The following ZNF324B variants were observed in gnomAD, a reference collection of about 807,000 sequenced individuals.
The protein encoded by ZNF324B is zinc finger protein 324B.
A neutral mutation model predicts 10.6 loss-of-function variants in ZNF324B; 7 were observed. The ratio of observed to expected loss-of-function variants is 0.66; its 90% confidence interval spans 0.38 to 1.24. The LOEUF (loss-of-function observed/expected upper bound fraction) is 1.24. Among genes scored for constraint, ZNF324B ranks in the 50% most tolerant of loss-of-function variants. The pLI is 0.02. For synonymous variants in ZNF324B, 316 were observed against 321.0 expected (o/e 0.98, Z 0.17); for missense variants, 640 against 764.7 (o/e 0.84, Z 1.92).
At chr19:58,445,341 G>C in the ZNF324B span, 1 of 499,472 alleles carries the variant, frequency 2.0e-6, no homozygotes, top group South Asian at 1.5e-5. Flanking sequence ...AAAAATTGCA[G>C]CTCCTGCCTT....
At chr19:58,432,271 G>C in the ZNF324B span, 2 of 516,192 alleles carry the variant, frequency 3.9e-6, no homozygotes, top group Non-Finnish European at 7.7e-6. Context: ...GAGAGGTGAA[G>C]TGAATGTACA....
intron 2 of ZNF324B, 71 bp from the exon 3 acceptor site, chr19:58,454,157 G>A: frequency 1.0e-6 from 1 of 999,584 alleles, no homozygotes; most frequent in East Asian, 2.4e-5. Context: ...ATGAAGCCCT[G>A]ACTCCTGCTC....
chr19:58,434,825 G>A, the ZNF324B span: 2 of 1,614,162 alleles, frequency 1.2e-6, no homozygotes, highest in Non-Finnish European at 1.7e-6. Context: ...AGCTGGAGGA[G>A]GTCACAGCTG....
At chr19:58,453,070 G>A (rs1036496606) in intron 1 of ZNF324B, 3 of 147,596 alleles carry the variant, frequency 2.0e-5, no homozygotes, top group Non-Finnish European at 4.4e-5. Flanking sequence ...GTGAGACTCC[G>A]TCTCCAAAAT....
the ZNF324B span, chr19:58,434,258 C>A: frequency 1.2e-6 from 2 of 1,614,040 alleles, no homozygotes. Flanking sequence ...TGTGTGTGAA[C>A]TTTCTGATGC....
chr19:58,447,019 A>G (rs2052831239), upstream of ZNF324B, among the ~76,000 whole-genome samples: 1 of 147,884 alleles, frequency 6.8e-6, no homozygotes, highest in African/African-American at 2.5e-5. Flanking sequence ...TCTGGTGCTC[A>G]GGCTGGAGTG....
chr19:58,453,077 A>T (rs1197634653), intron 1 of ZNF324B: 1 of 118,500 alleles, frequency 8.4e-6, no homozygotes, highest in Admixed American at 9.3e-5. Flanking sequence ...TCCGTCTCCA[A>T]AATAAAAATA....
chr19:58,451,421 G>C (rs1409966836), upstream of ZNF324B, among the ~76,000 whole-genome samples: 1 of 152,262 alleles, frequency 6.6e-6, no homozygotes, highest in Admixed American at 6.5e-5. Flanking sequence ...GGAGCCCTTG[G>C]AAACCCGCGG....
the ZNF324B span, chr19:58,436,884 CAG>C: frequency 7.6e-5 from 72 of 949,424 alleles, no homozygotes; most frequent in Admixed American, 1.0e-4. Context: ...CAGAGAGAGA[CAG>C]GGGAAGTACA....
chr19:58,434,428 C>T, the ZNF324B span: 1 of 1,614,242 alleles, frequency 6.2e-7, no homozygotes, highest in Non-Finnish European at 8.5e-7. Flanking sequence ...TGAGTGAATT[C>T]TCTGATGATG....
the ZNF324B span, among the ~76,000 whole-genome samples, chr19:58,419,498 G>C: frequency 6.6e-6 from 1 of 152,208 alleles, no homozygotes; most frequent in South Asian, 2.1e-4. Flanking sequence ...CAGCAACTGA[G>C]GTTTCCTGGG....
chr19:58,436,531 G>A, the ZNF324B span, among the ~76,000 whole-genome samples: 2 of 151,906 alleles, frequency 1.3e-5, no homozygotes, highest in Non-Finnish European at 2.9e-5. Flanking sequence ...AGCTGGGTGT[G>A]GTGGCAGGCA....
At chr19:58,427,950 A>C in the ZNF324B span, among the ~76,000 whole-genome samples, 2 of 152,188 alleles carry the variant, frequency 1.3e-5, no homozygotes, top group Non-Finnish European at 2.9e-5. Context: ...CATGTGTCTT[A>C]CATATTGGAG....
the ZNF324B span, among the ~76,000 whole-genome samples, chr19:58,436,482 T>C: frequency 6.6e-6 from 1 of 151,786 alleles, no homozygotes; most frequent in Non-Finnish European, 1.5e-5. Flanking sequence ...CTGGCTAACA[T>C]GGTGAAACCC....
chr19:58,438,956 T>C, the ZNF324B span, among the ~76,000 whole-genome samples: 1 of 151,848 alleles, frequency 6.6e-6, no homozygotes, highest in Non-Finnish European at 1.5e-5. Context: ...GTATTTTTAG[T>C]AGAGGTGGGG....
At chr19:58,433,022 T>C in the ZNF324B span, 2 of 364,390 alleles carry the variant, frequency 5.5e-6, no homozygotes, top group South Asian at 4.2e-5. Flanking sequence ...AGCACAGTCC[T>C]GAATCCCTAG....
the ZNF324B span, chr19:58,433,773 A>C: frequency 6.2e-7 from 1 of 1,614,022 alleles, no homozygotes; most frequent in South Asian, 1.1e-5. Context: ...GTTCAATGAG[A>C]GTGGAGCTGT....
At chr19:58,438,679 T>C in the ZNF324B span, among the ~76,000 whole-genome samples, 1 of 152,026 alleles carries the variant, frequency 6.6e-6, no homozygotes, top group Non-Finnish European at 1.5e-5. Context: ...TTCACCGTGT[T>C]AGCCAGGATG....
chr19:58,425,396 C>A, the ZNF324B span, among the ~76,000 whole-genome samples: 2 of 150,496 alleles, frequency 1.3e-5, no homozygotes, highest in African/African-American at 4.9e-5. Flanking sequence ...ACCTCTTTTC[C>A]TTATAAACTA....
Sources: gnomAD v4.1 joint callset for allele counts (sites outside exome capture counted in the v4.1 genomes callset) on GRCh38, gnomAD v4.1.1 for gene constraint, MANE v1.5 for transcripts, NCBI Gene and HGNC (gene_info 2026-07-23, HGNC 2026-07-21) for gene names.